SEPTIN7: variants seen among roughly 807,000 people sequenced by gnomAD.
The protein encoded by SEPTIN7 is septin 7, also known as septin-7.
In SEPTIN7, 10 loss-of-function variants were observed where a neutral mutation model predicts 63.3. The ratio of observed to expected loss-of-function variants is 0.16; its 90% CI spans 0.10 to 0.27. The LOEUF (loss-of-function observed/expected upper bound fraction) is 0.27, where lower values mean the gene tolerates loss of function less well. Ranked by LOEUF, SEPTIN7 falls within the 10% of genes least tolerant of loss-of-function variation. The probability of loss-of-function intolerance (pLI) is 1.00; values close to 1 mark genes in which losing one functional copy is unlikely to be tolerated. For synonymous variants in SEPTIN7, 131 were observed against 165.3 expected (o/e 0.79, Z 1.59); for missense variants, 310 against 521.0 (o/e 0.59, Z 3.94).
chr7:35,914,755 C>A, the SEPTIN7 span, among the ~76,000 whole-genome samples: 1 of 151,242 alleles, frequency 6.6e-6, no homozygotes, highest in Non-Finnish European at 1.5e-5. Flanking sequence ...TATTCCTTAC[C>A]AATTCCTTAC....
downstream of SEPTIN7, among the ~76,000 whole-genome samples, chr7:35,910,274 A>G (rs1788718348): frequency 6.6e-6 from 1 of 152,240 alleles, no homozygotes; most frequent in Non-Finnish European, 1.5e-5. Context: ...GTACTAAATA[A>G]AGGTGGCACA....
intron 10 of SEPTIN7, chr7:35,888,821 A>G (rs752848427): frequency 6.2e-5 from 17 of 273,058 alleles, no homozygotes; most frequent in Non-Finnish European, 1.1e-4. Flanking sequence ...GAGACCCTGT[A>G]TCAAAAAAAA....
chr7:35,837,017 T>G (rs920255478), intron 3 of SEPTIN7, among the ~76,000 whole-genome samples: 1 of 152,124 alleles, frequency 6.6e-6, no homozygotes, highest in African/African-American at 2.4e-5. Context: ...GAATTTTATC[T>G]TAGAAAAAGT....
chr7:35,832,019 C>T, intron 2 of SEPTIN7: 1 of 434,210 alleles, frequency 2.3e-6, no homozygotes, highest in Admixed American at 2.6e-5. Context: ...CTACGGACAG[C>T]ATTTCTCACC....
At chr7:35,843,404 CA>C (rs1196626253) in intron 3 of SEPTIN7, among the ~76,000 whole-genome samples, 1 of 152,160 alleles carries the variant, frequency 6.6e-6, no homozygotes, top group Non-Finnish European at 1.5e-5. Flanking sequence ...TGTTCTGGGC[CA>C]CTGTGGATTT....
At chr7:35,811,782 G>A (rs1788724050) in intron 1 of SEPTIN7, among the ~76,000 whole-genome samples, 1 of 152,264 alleles carries the variant, frequency 6.6e-6, no homozygotes, top group East Asian at 1.9e-4. Context: ...CCAGCACTTC[G>A]GGAGGCCGAG....
At chr7:35,879,323 A>G (rs1388931854) in intron 6 of SEPTIN7, among the ~76,000 whole-genome samples, 2 of 152,078 alleles carry the variant, frequency 1.3e-5, no homozygotes, top group African/African-American at 4.8e-5. Flanking sequence ...GTGTCTACAA[A>G]AAATACAAAA....
intron 3 of SEPTIN7, among the ~76,000 whole-genome samples, chr7:35,834,622 TTTAA>T (rs1469899028): frequency 1.3e-5 from 2 of 152,148 alleles, no homozygotes; most frequent in Non-Finnish European, 2.9e-5. Context: ...TTGAACATTG[TTTAA>T]TTAACTACAT....
At chr7:35,878,172 C>T (rs182635190) in intron 6 of SEPTIN7, among the ~76,000 whole-genome samples, 43 of 152,086 alleles carry the variant, frequency 2.8e-4, no homozygotes, top group Non-Finnish European at 4.6e-4. Context: ...GTGTTGTCAG[C>T]ACATAGAAAT....
intron 11 of SEPTIN7, among the ~76,000 whole-genome samples, chr7:35,897,464 A>G (rs1219326458): frequency 6.6e-6 from 1 of 152,162 alleles, no homozygotes; most frequent in Admixed American, 6.5e-5. Context: ...ACACAATTCT[A>G]CAAAGAGATT....
chr7:35,875,810 T>C (rs1786444624), intron 6 of SEPTIN7, among the ~76,000 whole-genome samples: 1 of 152,146 alleles, frequency 6.6e-6, no homozygotes, highest in Non-Finnish European at 1.5e-5. Context: ...AAATTTGTCA[T>C]TTGCCCTGTG....
chr7:35,874,423 G>T (rs1233705948), intron 6 of SEPTIN7, among the ~76,000 whole-genome samples: 1 of 152,006 alleles, frequency 6.6e-6, no homozygotes, highest in East Asian at 1.9e-4. Context: ...CTGTCATTTT[G>T]AGTACATATA....
chr7:35,867,281 C>T (rs1323664492), intron 4 of SEPTIN7, among the ~76,000 whole-genome samples: 2 of 152,122 alleles, frequency 1.3e-5, no homozygotes, highest in Non-Finnish European at 2.9e-5. Context: ...AAAAATATTG[C>T]TTACAATGTT....
chr7:35,915,651 G>A, the SEPTIN7 span, among the ~76,000 whole-genome samples: 1 of 152,146 alleles, frequency 6.6e-6, no homozygotes, highest in South Asian at 2.1e-4. Context: ...TCCAGGTCCT[G>A]GCTTCCTGTC....
At chr7:35,899,104 TA>T (rs1788138684) in intron 12 of SEPTIN7, 1 of 152,186 alleles carries the variant, frequency 6.6e-6, no homozygotes, top group Non-Finnish European at 1.5e-5. Flanking sequence ...GAGAAAAAGA[TA>T]AACTGAACAT....
At chr7:35,878,174 C>T (rs1786595829) in intron 6 of SEPTIN7, among the ~76,000 whole-genome samples, 1 of 151,960 alleles carries the variant, frequency 6.6e-6, no homozygotes. Flanking sequence ...GTTGTCAGCA[C>T]ATAGAAATAT....
chr7:35,806,969 T>C (rs1440617839), intron 1 of SEPTIN7, among the ~76,000 whole-genome samples: 1 of 152,146 alleles, frequency 6.6e-6, no homozygotes, highest in Non-Finnish European at 1.5e-5. Flanking sequence ...TTCAGGAAAA[T>C]CAAAACTATT....
intron 11 of SEPTIN7, among the ~76,000 whole-genome samples, 179 bp downstream of exon 11, chr7:35,890,972 A>G (rs1020096663): frequency 2.0e-5 from 3 of 152,190 alleles, no homozygotes; most frequent in African/African-American, 7.2e-5. Context: ...TTTTGAATGA[A>G]CCATTTTGAT....
chr7:35,870,929 G>T (rs2116207160), intron 4 of SEPTIN7, among the ~76,000 whole-genome samples: 1 of 152,002 alleles, frequency 6.6e-6, no homozygotes, highest in African/African-American at 2.4e-5. Flanking sequence ...TGTTATTAGG[G>T]TAACCTGATA....
Sources: allele counts gnomAD v4.1 joint callset (sites outside exome capture counted in the v4.1 genomes callset), GRCh38; gene constraint gnomAD v4.1.1; transcripts MANE v1.5; gene names NCBI Gene and HGNC (gene_info 2026-07-23, HGNC 2026-07-21).